The following CDK13 variants were observed in gnomAD, a reference collection of about 807,000 sequenced individuals.
CDK13 encodes the protein cyclin-dependent kinase 13.
CDK13 carries 40 observed loss-of-function variants against 137.6 expected under a neutral mutation model. That is an observed-to-expected ratio of 0.29 (90% confidence interval 0.23 to 0.38). CDK13 has a LOEUF of 0.38. Among genes scored for constraint, CDK13 ranks in the 10% least tolerant of loss-of-function variants. CDK13 has a pLI of 1.00. For missense variants in CDK13, 1,704 were observed against 1,951.8 expected, an observed-to-expected ratio of 0.87 and a Z score of 2.39; for synonymous variants, 869 against 760.1, an observed-to-expected ratio of 1.14 and a Z score of -2.36.
intron 11 of CDK13, among the ~76,000 whole-genome samples, chr7:40,081,445 T>C (rs1786660777): frequency 6.6e-6 from 1 of 152,202 alleles, no homozygotes; most frequent in Non-Finnish European, 1.5e-5. Flanking sequence ...CAATAGTCAT[T>C]TGGAAAATGT....
At chr7:40,055,094 G>C (rs1364326784) in intron 7 of CDK13, among the ~76,000 whole-genome samples, 1 of 151,366 alleles carries the variant, frequency 6.6e-6, no homozygotes, top group Non-Finnish European at 1.5e-5. Flanking sequence ...TTAGTTTCTT[G>C]CCATCCAATA....
At chr7:40,044,348 T>A (rs1785685640) in intron 5 of CDK13, among the ~76,000 whole-genome samples, 1 of 152,164 alleles carries the variant, frequency 6.6e-6, no homozygotes, top group East Asian at 1.9e-4. Context: ...AGACAAAGTC[T>A]GGCTCTGTTG....
intron 11 of CDK13, among the ~76,000 whole-genome samples, chr7:40,081,886 A>G (rs1786670604): frequency 6.6e-6 from 1 of 152,134 alleles, no homozygotes; most frequent in Non-Finnish European, 1.5e-5. Context: ...TGCTGGGATT[A>G]CAGGTGTGAG....
chr7:39,970,277 G>A (rs369475827), intron 1 of CDK13, among the ~76,000 whole-genome samples: 4 of 151,024 alleles, frequency 2.6e-5, no homozygotes, highest in African/African-American at 9.7e-5. Flanking sequence ...GATTACAGGC[G>A]TGAGCCAGCC....
intron 5 of CDK13, among the ~76,000 whole-genome samples, chr7:40,044,550 C>T (rs1785691459): frequency 6.6e-6 from 1 of 152,062 alleles, no homozygotes; most frequent in African/African-American, 2.4e-5. Context: ...TGTTCCTGAC[C>T]TCAGATGATC....
chr7:40,085,893 T>C (rs1247333242), intron 11 of CDK13: 1 of 152,184 alleles, frequency 6.6e-6, no homozygotes, highest in Non-Finnish European at 1.5e-5. Flanking sequence ...TAAGCAGCCA[T>C]GAACCTACCA....
chr7:40,079,699 G>A (rs1194256877), intron 11 of CDK13, among the ~76,000 whole-genome samples: 1 of 152,122 alleles, frequency 6.6e-6, no homozygotes, highest in Non-Finnish European at 1.5e-5. Context: ...AGTCCAATAA[G>A]TAAGAGAGGT....
At chr7:39,963,280 T>G (rs1009744192) in intron 1 of CDK13, among the ~76,000 whole-genome samples, 2 of 152,240 alleles carry the variant, frequency 1.3e-5, no homozygotes, top group African/African-American at 4.8e-5. Flanking sequence ...TCCATTTGTT[T>G]GTGTCCTCTT....
intron 11 of CDK13, among the ~76,000 whole-genome samples, chr7:40,082,721 G>GT (rs1210115731): frequency 6.6e-6 from 1 of 150,604 alleles, no homozygotes; most frequent in Non-Finnish European, 1.5e-5. Flanking sequence ...AGCCTGGGAG[G>GT]TGGAGATTGC....
chr7:40,089,125 C>T (rs1380959372), intron 12 of CDK13, among the ~76,000 whole-genome samples: 1 of 149,036 alleles, frequency 6.7e-6, no homozygotes, highest in Non-Finnish European at 1.5e-5. Flanking sequence ...TATTTGTGCC[C>T]AAAATAACTT....
rs1018607875 is a variant in CDK13 at position 40,091,513 on chromosome 7, A to C, written c.3236-1272A>C. On this transcript the variant is annotated intron_variant, in intron 12 of 13. Coordinates refer to ENST00000181839, the MANE Select transcript of CDK13 (RefSeq NM_003718.5). ...GGGGAACAGAGCAAGACTCTGTCTCAAAAAAAAAAAAGAAGGAGAATTCTG... is the reference window on the plus strand; with the variant it reads ...GGGGAACAGAGCAAGACTCTGTCTCCAAAAAAAAAAAGAAGGAGAATTCTG... Among the ~76,000 whole-genome samples, 3 of 145,184 alleles carry C rather than the reference A, an allele frequency of 2.1e-5. 1 individual carries two copies. Among genetic ancestry groups the C allele is most frequent in the South Asian group, 4.4e-4 (2 of 4,552 alleles).
intron 12 of CDK13, among the ~76,000 whole-genome samples, chr7:40,089,436 T>TG (rs1786865648): frequency 1.9e-5 from 1 of 51,770 alleles, no homozygotes; most frequent in African/African-American, 6.4e-5. Flanking sequence ...CGAGACTGTC[T>TG]CAAAAAAAAA....
chr7:40,045,782 T>C, intron 5 of CDK13, 54 bp from the exon 6 acceptor site: 1 of 1,209,014 alleles, frequency 8.3e-7, no homozygotes, highest in Non-Finnish European at 1.2e-6. Context: ...ATTGTGAATT[T>C]ATGGAAAGGT....
At chr7:39,989,567 G>A (rs749252285) in intron 2 of CDK13, among the ~76,000 whole-genome samples, 5 of 151,950 alleles carry the variant, frequency 3.3e-5, no homozygotes, top group Non-Finnish European at 7.4e-5. Flanking sequence ...TCAAAATGTT[G>A]TTGGGAGACC....
At chr7:39,979,947 G>A (rs1367418568) in intron 1 of CDK13, among the ~76,000 whole-genome samples, 1 of 152,174 alleles carries the variant, frequency 6.6e-6, no homozygotes, top group Non-Finnish European at 1.5e-5. Context: ...GCTGGAAAAG[G>A]CAAGGGAACA....
chr7:40,033,572 G>A (rs1407402632), intron 5 of CDK13, among the ~76,000 whole-genome samples: 2 of 152,156 alleles, frequency 1.3e-5, no homozygotes, highest in Admixed American at 6.5e-5. Flanking sequence ...ACTGTTTGCT[G>A]TACCTGTAAG....
chr7:40,062,818 T>C lies in CDK13; in HGVS notation c.2601-8T>C. ...CTAACTCTAAAGACTGTTTTCTGTGTTTTTTAGTCGGCCGTATACTAACAA... is the reference window on the plus strand; with the variant it reads ...CTAACTCTAAAGACTGTTTTCTGTGCTTTTTAGTCGGCCGTATACTAACAA... On this transcript the variant is annotated splice_polypyrimidine_tract_variant and splice_region_variant and intron_variant, in intron 7 of 13. Transcript: ENST00000181839. 6.3e-7 allele frequency: 1 copy of C among 1,593,024 alleles called. No homozygotes were observed. The highest frequency in any genetic ancestry group is 8.6e-7 in the Non-Finnish European group (1 of 1,161,148).
chr7:40,017,003 T>C (rs1157241841), intron 5 of CDK13, among the ~76,000 whole-genome samples: 5 of 152,120 alleles, frequency 3.3e-5, no homozygotes, highest in African/African-American at 1.2e-4. Flanking sequence ...GTCACGTTTT[T>C]TCAGTTTCCA....
At chr7:40,007,568 G>A (rs1164538416) in intron 5 of CDK13, among the ~76,000 whole-genome samples, 1 of 152,136 alleles carries the variant, frequency 6.6e-6, no homozygotes, top group East Asian at 1.9e-4. Context: ...TGGGATTACA[G>A]ATGTCCGCCA....
Sources: allele counts gnomAD v4.1 joint callset (sites outside exome capture counted in the v4.1 genomes callset), GRCh38; gene constraint gnomAD v4.1.1; transcripts MANE v1.5; gene names NCBI Gene and HGNC (gene_info 2026-07-23, HGNC 2026-07-21).